EFL1: variants seen among roughly 807,000 people sequenced by gnomAD.
EFL1 encodes elongation factor-like GTPase 1.
A neutral mutation model predicts 126.7 loss-of-function variants in EFL1; 76 were observed. The ratio of observed to expected loss-of-function variants is 0.60; its 90% CI spans 0.50 to 0.73. EFL1 has a LOEUF of 0.73. Ranked by LOEUF, EFL1 falls within the 30% of genes least tolerant of loss-of-function variation. The probability of loss-of-function intolerance (pLI) is 0.00; values close to 1 mark genes in which losing one functional copy is unlikely to be tolerated. For missense variants in EFL1, 1,128 were observed against 1,343.2 expected, an observed-to-expected ratio of 0.84 and a Z score of 2.50; for synonymous variants, 410 against 448.4, an observed-to-expected ratio of 0.91 and a Z score of 1.08.
At chr15:82,132,684 G>A (rs965602790) in intron 19 of EFL1, among the ~76,000 whole-genome samples, 1 of 111,966 alleles carries the variant, frequency 8.9e-6, no homozygotes, top group African/African-American at 3.5e-5. Flanking sequence ...CAGGAATTGG[G>A]GGGGGGGGGG....
intron 19 of EFL1, among the ~76,000 whole-genome samples, chr15:82,133,057 G>A (rs968714001): frequency 1.3e-5 from 2 of 152,198 alleles, no homozygotes; most frequent in African/African-American, 2.4e-5. Flanking sequence ...CCCAGGGTGA[G>A]GGTAGGTGTA....
intron 14 of EFL1, among the ~76,000 whole-genome samples, chr15:82,218,985 C>T (rs1334543236): frequency 1.3e-5 from 2 of 152,152 alleles, no homozygotes; most frequent in African/African-American, 4.8e-5. Flanking sequence ...TCCACGGTGC[C>T]AGCTGACAAT....
intron 14 of EFL1, among the ~76,000 whole-genome samples, chr15:82,216,033 T>A (rs1282515951): frequency 6.6e-6 from 1 of 152,116 alleles, no homozygotes; most frequent in Non-Finnish European, 1.5e-5. Context: ...CTTAGCAAGG[T>A]GGCAAAAATG....
intron 15 of EFL1, among the ~76,000 whole-genome samples, chr15:82,176,929 T>C (rs988711874): frequency 6.6e-5 from 10 of 152,272 alleles, no homozygotes; most frequent in Admixed American, 2.0e-4. Context: ...CACAGTAACA[T>C]GAATGAGCAA....
chr15:82,141,617 T>C (rs1190767707), intron 18 of EFL1, among the ~76,000 whole-genome samples: 1 of 145,184 alleles, frequency 6.9e-6, no homozygotes, highest in African/African-American at 2.6e-5. Context: ...GAGATTGCAG[T>C]GAGCTGAGAT....
intron 18 of EFL1, among the ~76,000 whole-genome samples, chr15:82,141,299 A>C (rs2073783783): frequency 6.6e-6 from 1 of 152,224 alleles, no homozygotes; most frequent in South Asian, 2.1e-4. Context: ...TGTCTGAGAT[A>C]TATAGAAAAG....
chr15:82,162,252 C>T (rs1314781229), intron 16 of EFL1, among the ~76,000 whole-genome samples: 5 of 152,016 alleles, frequency 3.3e-5, no homozygotes, highest in Non-Finnish European at 4.4e-5. Context: ...CACTGCACTC[C>T]GGCCTGGGTG....
chr15:82,209,316 GAC>G (rs57128885), intron 15 of EFL1, among the ~76,000 whole-genome samples: 5,881 of 146,246 alleles, frequency 0.04, 140 homozygotes, highest in Non-Finnish European at 0.055. Context: ...CACAGACACA[GAC>G]ACACACACAC....
chr15:82,173,581 C>T lies in EFL1; in HGVS notation c.1751-9597G>A, dbSNP rs141414436. On this transcript the variant is annotated intron_variant, in intron 15 of 19. Transcript: ENST00000268206. ...AGTGAATGATTGTTTCAGTCAGCTC[C>T]TGGTTTTTATCTTTTTATTTCTGTA... Among the ~76,000 whole-genome samples the T allele has an allele frequency of 9.9e-3, 1,502 of 152,202 alleles. 28 individuals carry two copies. The highest frequency in any genetic ancestry group is 0.035 in the African/African-American group (1,451 of 41,540).
chr15:82,214,841 G>A lies in EFL1; in HGVS notation c.1626C>T (p.Phe542=), dbSNP rs368724353. ...LEFLRRVPLG[F]SAPPDGLPQV... is the part of the protein sequence containing the mutation. ...GGGGGAGGCCATCTGGTGGAGCTGA[G>A]AAGCCTAATGGTACCTGGGCAAAGA... Residue 542 remains phenylalanine, a synonymous_variant, in exon 15 of 20, where the codon TTC becomes TTT. Coordinates refer to ENST00000268206, the MANE Select transcript of EFL1 (RefSeq NM_024580.6). 6 of 1,589,412 alleles carry A rather than the reference G, an allele frequency of 3.8e-6. No individual in the cohort carries two copies. In the African/African-American group the frequency reaches 6.8e-5, roughly 18 times the overall value.
chr15:82,200,156 A>C (rs1007742605), intron 15 of EFL1, among the ~76,000 whole-genome samples: 19 of 152,228 alleles, frequency 1.2e-4, no homozygotes, highest in African/African-American at 4.6e-4. Flanking sequence ...TGAATACCCA[A>C]GCTTATGCAT....
intron 6 of EFL1, among the ~76,000 whole-genome samples, chr15:82,239,196 G>A (rs1345067040): frequency 6.6e-6 from 1 of 152,094 alleles, no homozygotes; most frequent in Non-Finnish European, 1.5e-5. Context: ...GAGTGCAGTG[G>A]CGTGATCTTG....
intron 18 of EFL1, among the ~76,000 whole-genome samples, chr15:82,146,259 A>G (rs2073844735): frequency 6.6e-6 from 1 of 152,202 alleles, no homozygotes; most frequent in Admixed American, 6.5e-5. Context: ...TTTTAAAAAA[A>G]GACTAAGGAA....
intron 3 of EFL1, among the ~76,000 whole-genome samples, chr15:82,253,254 G>A (rs1440506697): frequency 1.3e-5 from 2 of 151,836 alleles, no homozygotes; most frequent in Non-Finnish European, 2.9e-5. Context: ...TGGCCAGGCT[G>A]GTCTTGAGCT....
Position 82,238,431 on chromosome 15 carries a change from C to G in EFL1, c.607G>C (p.Glu203Gln), listed in dbSNP as rs1218838697. 3 of 1,614,030 alleles carry G rather than the reference C, an allele frequency of 1.9e-6. No homozygotes were observed. The highest frequency in any genetic ancestry group is 3.3e-5 in the Admixed American group (2 of 60,004). The part of the protein sequence containing the change: ...ETESQVNPNS[E>Q]QGEQVYDWST... ...CAGTCATATACTTGCTCTCCTTGTT[C>G]AGAATTTGGATTCACTTGGGATTCA... The change falls in exon 7 of 20, where the codon GAA becomes CAA. Residue 203 changes from glutamate to glutamine, a missense_variant. Physicochemically the swap from Glu to Gln is conservative, Grantham distance 29. Coordinates refer to ENST00000268206, the MANE Select transcript of EFL1 (RefSeq NM_024580.6).
chr15:82,197,346 A>C (rs894337783), intron 15 of EFL1, among the ~76,000 whole-genome samples: 1 of 152,178 alleles, frequency 6.6e-6, no homozygotes, highest in African/African-American at 2.4e-5. Flanking sequence ...TAATAAAACA[A>C]ATTCAGATAC....
intron 18 of EFL1, among the ~76,000 whole-genome samples, chr15:82,143,491 G>A (rs186953495): frequency 2.6e-5 from 4 of 152,244 alleles, no homozygotes. Flanking sequence ...TAAATTGGTA[G>A]GTACTTATTC....
At chr15:82,234,175 T>C (rs2074849832) in intron 7 of EFL1, among the ~76,000 whole-genome samples, 1 of 152,216 alleles carries the variant, frequency 6.6e-6, no homozygotes, top group Non-Finnish European at 1.5e-5. Context: ...GCATAAAACA[T>C]TGAATTACTT....
chr15:82,134,382 T>TC (rs1236834404), intron 19 of EFL1, among the ~76,000 whole-genome samples: 1 of 151,718 alleles, frequency 6.6e-6, no homozygotes, highest in African/African-American at 2.4e-5. Context: ...TTTTTTTTTT[T>TC]CCCTCACTGC....
Sources: gnomAD v4.1 joint callset for allele counts (sites outside exome capture counted in the v4.1 genomes callset) on GRCh38, gnomAD v4.1.1 for gene constraint, MANE v1.5 for transcripts, NCBI Gene and HGNC (gene_info 2026-07-23, HGNC 2026-07-21) for gene names.